SPAG7: variants seen among roughly 807,000 people sequenced by gnomAD.
SPAG7 encodes the protein sperm-associated antigen 7.
In SPAG7, 20 loss-of-function variants were observed where a neutral mutation model predicts 30.6. The ratio of observed to expected loss-of-function variants is 0.65; its 90% CI spans 0.46 to 0.95. The LOEUF (loss-of-function observed/expected upper bound fraction) is 0.95, where lower values mean the gene tolerates loss of function less well. Ranked by LOEUF, SPAG7 falls within the 40% of genes least tolerant of loss-of-function variation. SPAG7 has a pLI of 0.00. For missense variants in SPAG7, 276 were observed against 291.1 expected (o/e 0.95, Z 0.38); for synonymous variants, 127 against 104.2 (o/e 1.22, Z -1.33).
rs999609538 is a variant in SPAG7, at chr17:4,962,275, G to A, written c.86-1422C>T. Among the ~76,000 whole-genome samples the A allele has an allele frequency of 4.6e-5, 7 of 151,886 alleles. No homozygotes were observed. In the East Asian group the frequency reaches 9.7e-4, roughly 21 times the overall value. Reference sequence around the variant, plus strand: ...ATTACAGGCATGTGCCACCACACCCGGCTAATTTTTGTATTTTTAGTAGAG... The same window carrying A: ...ATTACAGGCATGTGCCACCACACCCAGCTAATTTTTGTATTTTTAGTAGAG... On this transcript the variant is annotated intron_variant, in intron 1 of 6. Transcript: ENST00000206020.
intron 4 of SPAG7, 50 bp downstream of exon 4, chr17:4,960,184 G>T (rs746654229): frequency 2.5e-6 from 4 of 1,600,808 alleles, no homozygotes; most frequent in Middle Eastern, 3.3e-4. Context: ...GGGGAGGGGG[G>T]ATAAGGCTAC....
intron 1 of SPAG7, among the ~76,000 whole-genome samples, chr17:4,965,517 CTT>C (rs374043849): frequency 6.7e-6 from 1 of 148,994 alleles, no homozygotes; most frequent in East Asian, 1.9e-4. Context: ...ATCATAACTT[CTT>C]TTTTTTTTGT....
chr17:4,962,503 G>C (rs1971879237), intron 1 of SPAG7, among the ~76,000 whole-genome samples: 1 of 152,134 alleles, frequency 6.6e-6, no homozygotes, highest in Non-Finnish European at 1.5e-5. Context: ...GACCTCCCTG[G>C]CTCAAGGGAT....
At position 4,967,794 on chromosome 17, in the gene SPAG7, A is replaced by G. The variant is rs944441926; in HGVS notation, c.11T>C (p.Leu4Pro). The stretch of plus-strand genomic sequence containing the variant: ...CATGGAGCTCAGGATGGAGCCCAGT[A>G]GGTCCGCCATCTTGGGAGTGACTGA... MAD[L>P]LGSILSSMEK... The change falls in exon 1 of 7, where the codon CTA becomes CCA. Residue 4 changes from leucine to proline, a missense_variant. Coordinates refer to ENST00000206020, the MANE Select transcript of SPAG7 (RefSeq NM_004890.3). The G allele has an allele frequency of 9.3e-6, 15 of 1,613,590 alleles. No individual in the cohort carries two copies. The highest frequency in any genetic ancestry group is 1.3e-5 in the Non-Finnish European group (15 of 1,179,650).
intron 1 of SPAG7, 144 bp downstream of exon 1, chr17:4,967,576 G>A: frequency 2.9e-6 from 2 of 684,946 alleles, no homozygotes; most frequent in Non-Finnish European, 5.2e-6. Flanking sequence ...GGGCGTGTCA[G>A]CAGCCCTTTT....
At position 4,959,350 on chromosome 17, in the gene SPAG7, C is replaced by T; in HGVS notation, c.*184G>A. ...ATTCACACTCTCACACACACACACACATGCCACGCACATATCCAAGCTCCA... is the reference window on the plus strand; with the variant it reads ...ATTCACACTCTCACACACACACACATATGCCACGCACATATCCAAGCTCCA... On this transcript the variant is annotated 3_prime_UTR_variant, in exon 7 of 7. Transcript: ENST00000206020. 1 of 604,098 alleles carries T rather than the reference C, an allele frequency of 1.7e-6. No individual in the cohort carries two copies. The highest frequency in any genetic ancestry group is 3.0e-6 in the Non-Finnish European group (1 of 338,618). 37.4% of individuals were successfully genotyped at this position (604,098 alleles called of 1,614,324 possible).
At chr17:4,966,905 C>G (rs1345368603) in intron 1 of SPAG7, 1 of 985,418 alleles carries the variant, frequency 1.0e-6, no homozygotes, top group Non-Finnish European at 1.2e-6. Context: ...CGTCCGTGGT[C>G]AAGGTCCGCA....
At chr17:4,967,330 T>C in intron 1 of SPAG7, 1 of 623,634 alleles carries the variant, frequency 1.6e-6, no homozygotes, top group Non-Finnish European at 2.1e-6. Context: ...AGATAGCCAA[T>C]AGAGATGAAG....
chr17:4,963,858 C>G (rs1971904227), intron 1 of SPAG7, among the ~76,000 whole-genome samples: 1 of 152,176 alleles, frequency 6.6e-6, no homozygotes, highest in African/African-American at 2.4e-5. Flanking sequence ...CACCCTTCTC[C>G]TTTGGGAGTG....
intron 1 of SPAG7, among the ~76,000 whole-genome samples, chr17:4,962,069 A>C (rs1971872818): frequency 6.6e-6 from 1 of 152,036 alleles, no homozygotes; most frequent in East Asian, 1.9e-4. Flanking sequence ...ATAATGCTTA[A>C]CCCCCTTTCC....
At chr17:4,964,656 C>T (rs1413231414) in intron 1 of SPAG7, among the ~76,000 whole-genome samples, 1 of 152,096 alleles carries the variant, frequency 6.6e-6, no homozygotes, top group African/African-American at 2.4e-5. Context: ...CCACCGCACC[C>T]GGCCAAATCC....
chr17:4,964,454 C>T (rs1216589587), intron 1 of SPAG7, among the ~76,000 whole-genome samples: 3 of 150,396 alleles, frequency 2.0e-5, no homozygotes, highest in South Asian at 2.1e-4. Flanking sequence ...CTCCGCCTCC[C>T]GGGTTCACGC....
At chr17:4,960,423 C>G (rs772543159) in intron 3 of SPAG7, 36 bp downstream of exon 3, 1 of 1,598,430 alleles carries the variant, frequency 6.3e-7, no homozygotes, top group African/African-American at 1.3e-5. Context: ...CCGCTAGCCA[C>G]CCATTTCCTT....
chr17:4,966,795 C>T, intron 1 of SPAG7: 1 of 985,494 alleles, frequency 1.0e-6, no homozygotes, highest in Non-Finnish European at 1.2e-6. Flanking sequence ...GTTCAAGAAA[C>T]AAGGGGACGA....
intron 1 of SPAG7, chr17:4,966,919 T>A: frequency 1.0e-6 from 1 of 985,330 alleles, no homozygotes; most frequent in South Asian, 4.7e-5. Context: ...GTCCGCAGGT[T>A]TGGGAGTTGG....
chr17:4,961,837 T>G (rs116636414), intron 1 of SPAG7, among the ~76,000 whole-genome samples: 1 of 145,688 alleles, frequency 6.9e-6, no homozygotes, highest in African/African-American at 2.5e-5. Context: ...TGTACTGAAA[T>G]AAAAGTTTGT....
Position 4,960,323 on chromosome 17 carries a change from G to T in SPAG7, c.243-5C>A, listed in dbSNP as rs1266927902. On this transcript the variant is annotated splice_polypyrimidine_tract_variant and splice_region_variant and intron_variant, in intron 3 of 6. Coordinates refer to ENST00000206020, the MANE Select transcript of SPAG7 (RefSeq NM_004890.3). ...GCCACTTCCACCACATCATGTCTGG[G>T]ATGGGATGGCAGAGGGGAAAGAGCA... 6.2e-7 allele frequency: 1 copy of T among 1,613,970 alleles called. No homozygotes were observed. The highest frequency in any genetic ancestry group is 2.2e-5 in the East Asian group (1 of 44,884).
intron 1 of SPAG7, among the ~76,000 whole-genome samples, chr17:4,963,172 T>G (rs1971892533): frequency 6.6e-6 from 1 of 151,978 alleles, no homozygotes; most frequent in African/African-American, 2.4e-5. Context: ...GTGGGAGGAC[T>G]GCTTGAGGCC....
In SPAG7 at chr17:4,967,781, G is replaced by A. The variant is rs986383569; in HGVS notation, c.24C>T (p.Ile8=). 9.9e-6 allele frequency: 16 copies of A among 1,613,888 alleles called. No individual in the cohort carries two copies. The highest frequency in any genetic ancestry group is 1.2e-5 in the Non-Finnish European group (14 of 1,179,888). The change falls in exon 1 of 7, where the codon ATC becomes ATT. Residue 8 remains isoleucine (I), a synonymous_variant. Coordinates refer to ENST00000206020, the MANE Select transcript of SPAG7 (RefSeq NM_004890.3). MADLLGS[I]LSSMEKPPSL... ...TGGGTGGCTTCTCCATGGAGCTCAG[G>A]ATGGAGCCCAGTAGGTCCGCCATCT...
Sources: gnomAD v4.1 joint callset for allele counts (sites outside exome capture counted in the v4.1 genomes callset) on GRCh38, gnomAD v4.1.1 for gene constraint, MANE v1.5 for transcripts, NCBI Gene and HGNC (gene_info 2026-07-23, HGNC 2026-07-21) for gene names.